RBFOX1: variants seen among roughly 807,000 people sequenced by gnomAD.
RBFOX1 encodes RNA binding protein fox-1 homolog 1.
RBFOX1 carries 8 observed loss-of-function variants against 57.7 expected under a neutral mutation model. The ratio of observed to expected loss-of-function variants is 0.14; its 90% CI spans 0.08 to 0.25. The LOEUF (loss-of-function observed/expected upper bound fraction) is 0.25. Ranked by LOEUF, RBFOX1 falls within the 10% of genes least tolerant of loss-of-function variation. The probability of loss-of-function intolerance (pLI) is 1.00; values close to 1 mark genes in which losing one functional copy is unlikely to be tolerated. For missense variants in RBFOX1, 611 were observed against 548.5 expected (o/e 1.11, Z -1.14); for synonymous variants, 326 against 222.4 (o/e 1.47, Z -4.15).
chr16:7,688,276 A>AGAGAGAGAGG (rs1237144295), intron 14 of RBFOX1, among the ~76,000 whole-genome samples: 1 of 150,822 alleles, frequency 6.6e-6, no homozygotes, highest in African/African-American at 2.4e-5. Context: ...AGAGAGAGAG[A>AGAGAGAGAGG]GAGAGAGATT....
intron 2 of RBFOX1, among the ~76,000 whole-genome samples, chr16:5,523,962 C>A (rs997624012): frequency 3.9e-5 from 6 of 152,140 alleles, no homozygotes; most frequent in Non-Finnish European, 7.4e-5. Context: ...GCGCTTGCCT[C>A]CTCCCGGCCC....
chr16:5,540,605 C>G (rs926557781), intron 2 of RBFOX1, among the ~76,000 whole-genome samples: 38 of 152,290 alleles, frequency 2.5e-4, no homozygotes, highest in Middle Eastern at 3.4e-3. Context: ...CATGAACTGC[C>G]TGTGTCAGAA....
At chr16:6,388,976 A>C (rs2152929313) in intron 2 of RBFOX1, among the ~76,000 whole-genome samples, 1 of 152,292 alleles carries the variant, frequency 6.6e-6, no homozygotes, top group East Asian at 1.9e-4. Flanking sequence ...ATCACTTGAA[A>C]GGTCCCTGGA....
At position 5,932,611 on chromosome 16, in the gene RBFOX1, T is replaced by G. The variant is rs566210938; in HGVS notation, c.351+65276T>G. Among the ~76,000 whole-genome samples, 5 of 152,318 alleles carry G rather than the reference T, an allele frequency of 3.3e-5. No homozygotes were observed. In the South Asian group the frequency reaches 1.0e-3, roughly 32 times the overall value. On this transcript the variant is annotated intron_variant, in intron 4 of 19. Coordinates refer to the RBFOX1 transcript ENST00000641259. ...GCAGCAATAGAAAACAAACACACTC[T>G]TTAAGTAAAAGGAACAAAATTATGA...
chr16:6,565,433 A>G, intron 2 of RBFOX1, among the ~76,000 whole-genome samples: 1 of 151,274 alleles, frequency 6.6e-6, no homozygotes, highest in East Asian at 2.0e-4. Flanking sequence ...AATTTTTTGT[A>G]TTTTTAGTAG....
At chr16:6,526,158 C>T (rs2096574670) in intron 2 of RBFOX1, among the ~76,000 whole-genome samples, 1 of 152,188 alleles carries the variant, frequency 6.6e-6, no homozygotes, top group South Asian at 2.1e-4. Flanking sequence ...AAACATCCAC[C>T]TCACCAAACC....
chr16:5,679,462 C>A (rs2050263725), intron 3 of RBFOX1, among the ~76,000 whole-genome samples: 1 of 152,054 alleles, frequency 6.6e-6, no homozygotes, highest in African/African-American at 2.4e-5. Context: ...GTTTTAAGCC[C>A]TGCCTGCATT....
intron 2 of RBFOX1, among the ~76,000 whole-genome samples, chr16:6,488,994 C>G (rs962426103): frequency 2.6e-5 from 4 of 152,140 alleles, no homozygotes; most frequent in Non-Finnish European, 5.9e-5. Flanking sequence ...GATCATGATG[C>G]AAAATCAGAC....
intron 4 of RBFOX1, among the ~76,000 whole-genome samples, chr16:5,972,730 C>T (rs568675536): frequency 3.9e-5 from 6 of 152,246 alleles, no homozygotes; most frequent in Non-Finnish European, 5.9e-5. Flanking sequence ...CTGGCAGTCT[C>T]CCCTGGGAGC....
intron 1 of RBFOX1, among the ~76,000 whole-genome samples, chr16:5,442,707 C>T (rs1158505356): frequency 6.6e-6 from 1 of 152,174 alleles, no homozygotes; most frequent in Non-Finnish European, 1.5e-5. Flanking sequence ...ATCACCTGGC[C>T]ACACACCTAG....
chr16:6,283,509 G>A (rs971345251), intron 1 of RBFOX1, among the ~76,000 whole-genome samples: 2 of 152,222 alleles, frequency 1.3e-5, no homozygotes, highest in South Asian at 2.1e-4. Context: ...TTATGGCACT[G>A]GTTGAACTTC....
intron 3 of RBFOX1, among the ~76,000 whole-genome samples, chr16:6,798,982 T>G (rs922779198): frequency 6.6e-6 from 1 of 151,770 alleles, no homozygotes; most frequent in African/African-American, 2.4e-5. Flanking sequence ...AGGAGGGGAG[T>G]CTTTTAGGAA....
chr16:6,793,525 T>C (rs367791863), intron 3 of RBFOX1, among the ~76,000 whole-genome samples: 35 of 152,310 alleles, frequency 2.3e-4, no homozygotes, highest in African/African-American at 7.7e-4. Flanking sequence ...TCCAAACATT[T>C]CTAGGTCTTT....
chr16:5,773,221 T>G (rs1273363191), intron 3 of RBFOX1, among the ~76,000 whole-genome samples: 1 of 152,130 alleles, frequency 6.6e-6, no homozygotes, highest in Admixed American at 6.5e-5. Context: ...GTTAAGAGGT[T>G]ATTGCAATTA....
At chr16:5,985,441 C>T (rs920089875) in intron 4 of RBFOX1, among the ~76,000 whole-genome samples, 2 of 152,062 alleles carry the variant, frequency 1.3e-5, no homozygotes, top group African/African-American at 4.8e-5. Flanking sequence ...TCCCATTTTA[C>T]GGATGAAGAA....
At chr16:5,442,898 T>C (rs1374828841) in intron 1 of RBFOX1, among the ~76,000 whole-genome samples, 4 of 152,150 alleles carry the variant, frequency 2.6e-5, no homozygotes, top group Admixed American at 2.0e-4. Flanking sequence ...ACCCTGCATT[T>C]AAGATGGACC....
chr16:7,667,720 G>A (rs561970078), intron 13 of RBFOX1, among the ~76,000 whole-genome samples: 5 of 152,068 alleles, frequency 3.3e-5, no homozygotes, highest in South Asian at 2.1e-4. Context: ...TCACTGTGTC[G>A]CCCAGGCTGG....
At chr16:6,092,617 T>G (rs2096191638) in intron 1 of RBFOX1, 1 of 152,222 alleles carries the variant, frequency 6.6e-6, no homozygotes, top group Non-Finnish European at 1.5e-5. Flanking sequence ...GGCTAGTCAG[T>G]TATCCCAGTA....
At chr16:7,317,790 T>G (rs1487423446) in intron 4 of RBFOX1, among the ~76,000 whole-genome samples, 2 of 152,256 alleles carry the variant, frequency 1.3e-5, no homozygotes, top group Non-Finnish European at 1.5e-5. Flanking sequence ...GGCATGTTTC[T>G]CGACTTCTCT....
Sources: allele counts gnomAD v4.1 joint callset (sites outside exome capture counted in the v4.1 genomes callset), GRCh38; gene constraint gnomAD v4.1.1; transcripts MANE v1.5; gene names NCBI Gene and HGNC (gene_info 2026-07-23, HGNC 2026-07-21).